Variants in ADGRL3 observed in about 807,000 individuals in gnomAD.
The protein encoded by ADGRL3 is adhesion G protein-coupled receptor L3, also known as calcium-independent alpha-latrotoxin receptor 3.
A neutral mutation model predicts 153.5 loss-of-function variants in ADGRL3; 62 were observed. The ratio of observed to expected loss-of-function variants is 0.40; its 90% CI spans 0.33 to 0.50. The LOEUF (loss-of-function observed/expected upper bound fraction) is 0.50. ADGRL3 is among the 20% of genes least tolerant of loss of function. ADGRL3 has a pLI of 0.47. For missense variants in ADGRL3, 1,641 were observed against 1,859.4 expected (o/e 0.88, Z 2.16); for synonymous variants, 710 against 672.5 (o/e 1.06, Z -0.86).
intron 1 of ADGRL3, among the ~76,000 whole-genome samples, chr4:61,215,696 C>G (rs1184060659): frequency 1.3e-5 from 2 of 151,632 alleles, no homozygotes; most frequent in African/African-American, 4.8e-5. Flanking sequence ...GGACTGCAGG[C>G]GCCCGCCACC....
At chr4:61,275,517 G>A (rs1490668521) in intron 1 of ADGRL3, among the ~76,000 whole-genome samples, 1 of 152,154 alleles carries the variant, frequency 6.6e-6, no homozygotes, top group Non-Finnish European at 1.5e-5. Context: ...AAAGCACTGG[G>A]CGTCTGGTTT....
chr4:61,919,233 T>G (rs184798510), intron 13 of ADGRL3, among the ~76,000 whole-genome samples: 77 of 152,338 alleles, frequency 5.1e-4, no homozygotes, highest in African/African-American at 1.8e-3. Flanking sequence ...TCAAGAGATT[T>G]CGATGTTTGC....
At chr4:61,920,460 C>G (rs1026380825) in intron 13 of ADGRL3, among the ~76,000 whole-genome samples, 2 of 152,128 alleles carry the variant, frequency 1.3e-5, no homozygotes, top group African/African-American at 2.4e-5. Flanking sequence ...CAGGACTGCT[C>G]CCAGAGTTAC....
chr4:61,723,237 A>G (rs2096270372), intron 6 of ADGRL3, among the ~76,000 whole-genome samples: 1 of 152,194 alleles, frequency 6.6e-6, no homozygotes, highest in African/African-American at 2.4e-5. Context: ...ACCAATTATT[A>G]GACTATAAGT....
At chr4:62,013,905 TTTTG>T (rs1553910559) in intron 21 of ADGRL3, among the ~76,000 whole-genome samples, 1 of 151,430 alleles carries the variant, frequency 6.6e-6, no homozygotes, top group Admixed American at 6.6e-5. Context: ...AAAATTTTTT[TTTTG>T]TTTGTTTGTT....
intron 11 of ADGRL3, among the ~76,000 whole-genome samples, chr4:61,903,641 G>A (rs1487698038): frequency 1.2e-5 from 1 of 82,102 alleles, no homozygotes. Context: ...ACTCCAGCTT[G>A]GGAAACAGCA....
At chr4:61,856,745 C>T (rs2098272261) in intron 9 of ADGRL3, among the ~76,000 whole-genome samples, 1 of 148,428 alleles carries the variant, frequency 6.7e-6, no homozygotes, top group African/African-American at 2.5e-5. Flanking sequence ...GCCTCCTGAA[C>T]AGGCATGTGC....
At chr4:61,374,436 T>C (rs1304645165) in intron 1 of ADGRL3, among the ~76,000 whole-genome samples, 1 of 152,086 alleles carries the variant, frequency 6.6e-6, no homozygotes, top group Non-Finnish European at 1.5e-5. Context: ...TTCACAAACA[T>C]GTTTTCTGAT....
intron 3 of ADGRL3, among the ~76,000 whole-genome samples, chr4:61,508,966 T>A (rs2098447268): frequency 6.6e-6 from 1 of 151,982 alleles, no homozygotes; most frequent in Non-Finnish European, 1.5e-5. Flanking sequence ...AACCATCAGA[T>A]CTTGTGAAAC....
At chr4:61,646,910 T>C (rs1031620721) in intron 5 of ADGRL3, among the ~76,000 whole-genome samples, 1 of 152,160 alleles carries the variant, frequency 6.6e-6, no homozygotes, top group African/African-American at 2.4e-5. Context: ...CTTAGACTGC[T>C]GTGCTAGCAA....
At chr4:61,658,632 A>G (rs567335355) in intron 5 of ADGRL3, among the ~76,000 whole-genome samples, 1 of 152,036 alleles carries the variant, frequency 6.6e-6, no homozygotes, top group Non-Finnish European at 1.5e-5. Flanking sequence ...TTACCTTTCA[A>G]CCTTTTCTCT....
At chr4:61,900,912 C>T (rs1228609297) in intron 11 of ADGRL3, among the ~76,000 whole-genome samples, 8 of 152,282 alleles carry the variant, frequency 5.3e-5, no homozygotes, top group Admixed American at 2.6e-4. Flanking sequence ...GCAAAATACC[C>T]GATTTCTCAC....
intron 17 of ADGRL3, 65 bp from the exon 18 acceptor site, chr4:61,979,498 C>T (rs1158018751): frequency 1.5e-6 from 2 of 1,291,848 alleles, no homozygotes; most frequent in African/African-American, 2.9e-5. Flanking sequence ...GCATCCAGGC[C>T]CTTATAAAAC....
At chr4:61,693,427 A>G (rs573868039) in intron 6 of ADGRL3, among the ~76,000 whole-genome samples, 1 of 152,236 alleles carries the variant, frequency 6.6e-6, no homozygotes, top group Non-Finnish European at 1.5e-5. Flanking sequence ...GTATGTCTAA[A>G]GCTTATCATG....
chr4:62,070,951 TGTTGACTGTTCTGA>T lies in ADGRL3; in HGVS notation c.*49_*62del. 2 of 1,459,606 alleles carry T rather than the reference TGTTGACTGTTCTGA, an allele frequency of 1.4e-6. No individual in the cohort carries two copies. Among genetic ancestry groups the T allele is most frequent in the East Asian group, 5.0e-5 (2 of 40,366 alleles). 90.4% of individuals were successfully genotyped at this position (1,459,606 alleles called of 1,614,324 possible). On this transcript the variant is annotated 3_prime_UTR_variant, in exon 27 of 27. Coordinates refer to ENST00000683033, the MANE Select transcript of ADGRL3 (RefSeq NM_001387552.1). ...GGAACCAACAAAACTGCTAACACCT[TGTTGACTGTTCTGA>T]GTTGATATAAGCAGTGGTAATAATG...
intron 15 of ADGRL3, among the ~76,000 whole-genome samples, chr4:61,946,074 G>T (rs1484857610): frequency 1.3e-5 from 2 of 152,088 alleles, no homozygotes; most frequent in Non-Finnish European, 2.9e-5. Context: ...CCCATATATT[G>T]TGGTGGATAT....
intron 6 of ADGRL3, among the ~76,000 whole-genome samples, chr4:61,694,877 C>T (rs1275114182): frequency 6.6e-6 from 1 of 152,188 alleles, no homozygotes; most frequent in Non-Finnish European, 1.5e-5. Context: ...ACAATTTTCA[C>T]AGCATCTTTA....
intron 3 of ADGRL3, among the ~76,000 whole-genome samples, chr4:61,504,450 T>C (rs2152839298): frequency 6.6e-6 from 1 of 152,330 alleles, no homozygotes; most frequent in Admixed American, 6.5e-5. Flanking sequence ...GATCAGTTAC[T>C]CCAGGGTAAT....
At chr4:61,241,639 C>G (rs765770417) in intron 1 of ADGRL3, among the ~76,000 whole-genome samples, 1 of 151,906 alleles carries the variant, frequency 6.6e-6, no homozygotes, top group Non-Finnish European at 1.5e-5. Context: ...ACGTATATCC[C>G]TTTTTAATCT....
Sources: gnomAD v4.1 joint callset for allele counts (sites outside exome capture counted in the v4.1 genomes callset) on GRCh38, gnomAD v4.1.1 for gene constraint, MANE v1.5 for transcripts, NCBI Gene and HGNC (gene_info 2026-07-23, HGNC 2026-07-21) for gene names.